ABCC4: variants seen among roughly 807,000 people sequenced by gnomAD.
ABCC4 encodes ATP binding cassette subfamily C member 4 (PEL blood group).
A neutral mutation model predicts 168.5 loss-of-function variants in ABCC4; 102 were observed. That is an observed-to-expected ratio of 0.61 (90% confidence interval 0.52 to 0.71). The LOEUF (loss-of-function observed/expected upper bound fraction) is 0.71. Among genes scored for constraint, ABCC4 ranks in the 30% least tolerant of loss-of-function variants. The probability of loss-of-function intolerance (pLI) is 0.00; values close to 1 mark genes in which losing one functional copy is unlikely to be tolerated. For missense variants in ABCC4, 1,402 were observed against 1,605.8 expected, an observed-to-expected ratio of 0.87 and a Z score of 2.17; for synonymous variants, 617 against 590.7, an observed-to-expected ratio of 1.04 and a Z score of -0.65.
chr13:95,082,018 T>G (rs897474726), intron 21 of ABCC4, among the ~76,000 whole-genome samples: 3 of 151,916 alleles, frequency 2.0e-5, no homozygotes, highest in Non-Finnish European at 4.4e-5. Flanking sequence ...AATAAATAAA[T>G]AAATGTTCAT....
At chr13:95,284,360 GTA>G (rs2041206458) in intron 1 of ABCC4, among the ~76,000 whole-genome samples, 1 of 152,010 alleles carries the variant, frequency 6.6e-6, no homozygotes, top group Non-Finnish European at 1.5e-5. Context: ...GCTAATTTTT[GTA>G]TTTTTTGTAG....
chr13:95,244,251 A>T (rs539967910), intron 3 of ABCC4, among the ~76,000 whole-genome samples: 6 of 152,158 alleles, frequency 3.9e-5, no homozygotes, highest in Admixed American at 3.9e-4. Context: ...CCCTAGGCAC[A>T]TTATATAACT....
chr13:95,274,803 A>G (rs2040933173), intron 1 of ABCC4, among the ~76,000 whole-genome samples: 1 of 152,214 alleles, frequency 6.6e-6, no homozygotes, highest in African/African-American at 2.4e-5. Context: ...TAAGCCAGGC[A>G]TGGTGGCTTA....
intron 19 of ABCC4, among the ~76,000 whole-genome samples, chr13:95,144,629 A>G (rs1307262515): frequency 6.6e-6 from 1 of 152,186 alleles, no homozygotes; most frequent in Non-Finnish European, 1.5e-5. Flanking sequence ...AGCCAAATCA[A>G]GAATACCACG....
chr13:95,290,033 T>G (rs2041352261), intron 1 of ABCC4, among the ~76,000 whole-genome samples: 1 of 151,564 alleles, frequency 6.6e-6, no homozygotes, highest in African/African-American at 2.4e-5. Flanking sequence ...GAGGCAGAGG[T>G]TGCGGTGAGC....
At chr13:95,146,560 C>T (rs1407488168) in intron 19 of ABCC4, among the ~76,000 whole-genome samples, 1 of 152,112 alleles carries the variant, frequency 6.6e-6, no homozygotes, top group Non-Finnish European at 1.5e-5. Flanking sequence ...TGATTTATGG[C>T]AATCATTTAA....
intron 20 of ABCC4, among the ~76,000 whole-genome samples, chr13:95,111,945 A>G (rs571005232): frequency 1.3e-5 from 2 of 152,314 alleles, no homozygotes; most frequent in South Asian, 2.1e-4. Context: ...ACTCAATTGG[A>G]AACAGTTCAG....
chr13:95,065,468 A>G (rs1414205123), intron 25 of ABCC4, among the ~76,000 whole-genome samples: 1 of 152,206 alleles, frequency 6.6e-6, no homozygotes, highest in Admixed American at 6.5e-5. Context: ...CAAAATGAGA[A>G]TATGCACAGA....
At chr13:95,041,625 T>C (rs770921341) in intron 29 of ABCC4, among the ~76,000 whole-genome samples, 2 of 151,924 alleles carry the variant, frequency 1.3e-5, no homozygotes, top group Non-Finnish European at 2.9e-5. Flanking sequence ...GCTTTCAGAA[T>C]AACAGAACAG....
chr13:95,281,585 A>G (rs73548870), intron 1 of ABCC4, among the ~76,000 whole-genome samples: 1,795 of 152,280 alleles, frequency 0.012, 34 homozygotes, highest in African/African-American at 0.04. Flanking sequence ...GAATTTTAGT[A>G]ATCTTACCCA....
chr13:95,248,479 A>C (rs551029013), intron 1 of ABCC4, among the ~76,000 whole-genome samples: 3 of 151,470 alleles, frequency 2.0e-5, no homozygotes, highest in African/African-American at 7.3e-5. Flanking sequence ...GAAAGAACTT[A>C]TTCAAATATT....
chr13:95,038,819 T>A (rs187734163), intron 29 of ABCC4, among the ~76,000 whole-genome samples: 24 of 152,046 alleles, frequency 1.6e-4, no homozygotes, highest in African/African-American at 5.8e-4. Context: ...GACCACAGAG[T>A]GAGATCCAGC....
At position 95,191,202 on chromosome 13, in the gene ABCC4, A is replaced by G. The variant is rs1435018959; in HGVS notation, c.1264-2660T>C. 2.6e-5 allele frequency among the ~76,000 whole-genome samples: 4 copies of G among 151,362 alleles called. No homozygotes were observed. In the Admixed American group the frequency reaches 2.7e-4, roughly 10 times the overall value. The stretch of plus-strand genomic sequence containing the variant: ...CACGGTGGGGGAATAAGAGATCAAG[A>G]TAACCTTCAAAATGAAAAATTTACC... On this transcript the variant is annotated intron_variant, in intron 9 of 30. Coordinates refer to ENST00000645237, the MANE Select transcript of ABCC4 (RefSeq NM_005845.5).
At chr13:95,141,789 C>T (rs951547778) in intron 19 of ABCC4, among the ~76,000 whole-genome samples, 4 of 152,268 alleles carry the variant, frequency 2.6e-5, no homozygotes, top group Middle Eastern at 3.4e-3. Flanking sequence ...TCGTAAGAGA[C>T]GGGGTCTTAC....
intron 21 of ABCC4, among the ~76,000 whole-genome samples, chr13:95,078,006 C>T (rs1026412272): frequency 6.6e-6 from 1 of 152,174 alleles, no homozygotes; most frequent in Non-Finnish European, 1.5e-5. Context: ...GATGGAGCTG[C>T]AGGTTACTGA....
intron 20 of ABCC4, among the ~76,000 whole-genome samples, chr13:95,100,825 C>T (rs758444399): frequency 6.6e-6 from 1 of 152,152 alleles, no homozygotes; most frequent in Non-Finnish European, 1.5e-5. Context: ...ACCTAACTAA[C>T]GATCTCTTTT....
At chr13:95,153,478 A>C (rs2036759210) in intron 19 of ABCC4, among the ~76,000 whole-genome samples, 1 of 152,218 alleles carries the variant, frequency 6.6e-6, no homozygotes, top group South Asian at 2.1e-4. Flanking sequence ...AGACAGAGAG[A>C]GAGAGATACA....
chr13:95,206,599 A>G lies in ABCC4; in HGVS notation c.1094T>C (p.Val365Ala), dbSNP rs967431472. 1.2e-6 allele frequency: 2 copies of G among 1,614,168 alleles called. No homozygotes were observed. Among genetic ancestry groups the G allele is most frequent in the Non-Finnish European group, 1.7e-6 (2 of 1,180,042 alleles). ...VTLYGAVRLT[V>A]TLFFPSAIER... ...AATGGCTGAGGGGAAGAAGAGGGTAACCGTCAGCCGCACAGCCCCATACAG... is the reference window on the plus strand; with the variant it reads ...AATGGCTGAGGGGAAGAAGAGGGTAGCCGTCAGCCGCACAGCCCCATACAG... The change falls in exon 8 of 31, where the codon GTT becomes GCT. Residue 365 changes from valine to alanine, a missense_variant. This residue lies in a region of ABCC4 where 78 missense variants were observed against 133.0 expected (regional missense o/e 0.59). Coordinates refer to ENST00000645237, the MANE Select transcript of ABCC4 (RefSeq NM_005845.5).
At chr13:95,058,871 G>A (rs549636910) in intron 26 of ABCC4, among the ~76,000 whole-genome samples, 31 of 152,318 alleles carry the variant, frequency 2.0e-4, no homozygotes, top group South Asian at 1.2e-3. Context: ...GCAGGAGCCC[G>A]GCCAAGCAGG....
Sources: allele counts gnomAD v4.1 joint callset (sites outside exome capture counted in the v4.1 genomes callset), GRCh38; gene constraint gnomAD v4.1.1; regional missense constraint gnomAD v4.1.1; transcripts MANE v1.5; gene names NCBI Gene and HGNC (gene_info 2026-07-23, HGNC 2026-07-21).